The following PDE4D variants were observed in gnomAD, a reference collection of about 807,000 sequenced individuals.
PDE4D encodes the protein phosphodiesterase 4D.
PDE4D carries 24 observed loss-of-function variants against 87.4 expected under a neutral mutation model. The ratio of observed to expected loss-of-function variants is 0.27; its 90% CI spans 0.20 to 0.39. The LOEUF (loss-of-function observed/expected upper bound fraction) is 0.39. PDE4D is among the 10% of genes least tolerant of loss of function. The probability of loss-of-function intolerance (pLI) is 1.00; values close to 1 mark genes in which losing one functional copy is unlikely to be tolerated. For missense variants in PDE4D, 714 were observed against 1,041.0 expected (o/e 0.69, Z 4.32); for synonymous variants, 384 against 383.2 (o/e 1.00, Z -0.02).
At chr5:59,156,186 A>G (rs930278697) in intron 5 of PDE4D, among the ~76,000 whole-genome samples, 1 of 151,926 alleles carries the variant, frequency 6.6e-6, no homozygotes, top group Non-Finnish European at 1.5e-5. Context: ...GGATTTTCCC[A>G]AAGTGAGTAA....
chr5:59,866,130 T>G (rs1186323566), intron 1 of PDE4D, among the ~76,000 whole-genome samples: 1 of 152,208 alleles, frequency 6.6e-6, no homozygotes, highest in African/African-American at 2.4e-5. Flanking sequence ...TTGTGTCTTG[T>G]TTTTTATAGA....
intron 2 of PDE4D, among the ~76,000 whole-genome samples, chr5:60,116,118 T>C (rs1158486668): frequency 6.6e-6 from 1 of 152,042 alleles, no homozygotes; most frequent in African/African-American, 2.4e-5. Flanking sequence ...GTCTTCTACA[T>C]AGCATGAGTC....
chr5:59,321,200 T>G (rs1475456774), intron 1 of PDE4D, among the ~76,000 whole-genome samples: 1 of 152,100 alleles, frequency 6.6e-6, no homozygotes, highest in Non-Finnish European at 1.5e-5. Flanking sequence ...CATGGCACCC[T>G]GAGGGCTTTT....
intron 1 of PDE4D, among the ~76,000 whole-genome samples, chr5:60,319,776 C>T (rs1297934740): frequency 6.6e-6 from 1 of 152,202 alleles, no homozygotes; most frequent in Admixed American, 6.5e-5. Flanking sequence ...TGGGTATCAG[C>T]AGCAGAGGCT....
At chr5:59,156,284 A>T in intron 5 of PDE4D, among the ~76,000 whole-genome samples, 1 of 145,774 alleles carries the variant, frequency 6.9e-6, no homozygotes, top group African/African-American at 2.6e-5. Flanking sequence ...AAGGAGATTG[A>T]AATCCCTGAA....
chr5:60,004,917 A>G (rs1023603897), intron 2 of PDE4D, among the ~76,000 whole-genome samples: 1 of 152,198 alleles, frequency 6.6e-6, no homozygotes, highest in Non-Finnish European at 1.5e-5. Context: ...AATTAAAAAT[A>G]GAGATACCAT....
At chr5:60,243,214 A>C (rs1747334716) in intron 1 of PDE4D, among the ~76,000 whole-genome samples, 1 of 152,052 alleles carries the variant, frequency 6.6e-6, no homozygotes, top group Non-Finnish European at 1.5e-5. Flanking sequence ...AAATTAAAAA[A>C]TCTGGAATAA....
chr5:60,122,668 G>T (rs867279428), intron 2 of PDE4D, among the ~76,000 whole-genome samples: 1 of 152,178 alleles, frequency 6.6e-6, no homozygotes, highest in Non-Finnish European at 1.5e-5. Context: ...GCCTGTGATG[G>T]GAGGGGCTGC....
At chr5:59,865,886 G>A (rs1746951840) in intron 1 of PDE4D, among the ~76,000 whole-genome samples, 1 of 152,238 alleles carries the variant, frequency 6.6e-6, no homozygotes, top group Admixed American at 6.5e-5. Flanking sequence ...ATAGTAAAGT[G>A]TGTGGTGCAA....
At chr5:59,092,718 T>C (rs1338627895) in intron 5 of PDE4D, among the ~76,000 whole-genome samples, 1 of 152,204 alleles carries the variant, frequency 6.6e-6, no homozygotes, top group Non-Finnish European at 1.5e-5. Context: ...TGTGTCTCAA[T>C]AGCTACTTCC....
At chr5:59,824,313 T>C (rs1014104253) in intron 1 of PDE4D, among the ~76,000 whole-genome samples, 3 of 152,212 alleles carry the variant, frequency 2.0e-5, no homozygotes, top group African/African-American at 7.2e-5. Context: ...ACATGTCCAC[T>C]GGAACTGGCC....
chr5:60,348,003 C>T (rs780020213), intron 1 of PDE4D, among the ~76,000 whole-genome samples: 1 of 152,114 alleles, frequency 6.6e-6, no homozygotes, highest in Non-Finnish European at 1.5e-5. Context: ...ATTAAATGGG[C>T]ATGACCTAAA....
At chr5:58,988,396 C>T (rs1747009805) in intron 11 of PDE4D, 97 bp downstream of exon 11, 2 of 456,212 alleles carry the variant, frequency 4.4e-6, no homozygotes, top group Middle Eastern at 5.0e-4. Flanking sequence ...CTCAAAAGAA[C>T]ATTATGGCTC....
At chr5:60,246,533 A>G (rs930015135) in intron 1 of PDE4D, among the ~76,000 whole-genome samples, 31 of 151,808 alleles carry the variant, frequency 2.0e-4, no homozygotes, top group Non-Finnish European at 2.9e-4. Context: ...ATTACAGTCT[A>G]CTAATTTTCT....
chr5:60,237,660 G>C (rs1361709715), intron 1 of PDE4D, among the ~76,000 whole-genome samples: 1 of 152,008 alleles, frequency 6.6e-6, no homozygotes, highest in African/African-American at 2.4e-5. Context: ...TAGCACAAGG[G>C]AGATCATTGT....
At chr5:59,840,156 T>C (rs1006916193) in intron 1 of PDE4D, among the ~76,000 whole-genome samples, 2 of 151,816 alleles carry the variant, frequency 1.3e-5, no homozygotes, top group Admixed American at 6.6e-5. Flanking sequence ...TCCATGCTAG[T>C]TAATTATCCC....
chr5:59,942,512 T>C, intron 3 of PDE4D, among the ~76,000 whole-genome samples: 1 of 151,868 alleles, frequency 6.6e-6, no homozygotes, highest in Non-Finnish European at 1.5e-5. Flanking sequence ...GGTAAGAAAG[T>C]GGAGAGAAAG....
intron 2 of PDE4D, among the ~76,000 whole-genome samples, chr5:60,069,271 A>C (rs1772453529): frequency 6.6e-6 from 1 of 152,176 alleles, no homozygotes; most frequent in African/African-American, 2.4e-5. Flanking sequence ...TTAGGTCATA[A>C]AAGTGGAGAC....
chr5:59,775,511 A>C (rs1489851289), intron 1 of PDE4D, among the ~76,000 whole-genome samples: 1 of 152,244 alleles, frequency 6.6e-6, no homozygotes, highest in Non-Finnish European at 1.5e-5. Flanking sequence ...ATACAAAAAA[A>C]AAATTAAATA....
Sources: allele counts gnomAD v4.1 joint callset (sites outside exome capture counted in the v4.1 genomes callset), GRCh38; gene constraint gnomAD v4.1.1; transcripts MANE v1.5; gene names NCBI Gene and HGNC (gene_info 2026-07-23, HGNC 2026-07-21).